A4GALT: variants seen among roughly 807,000 people sequenced by gnomAD.
A4GALT encodes the protein lactosylceramide 4-alpha-galactosyltransferase.
For synonymous variants in A4GALT, 257 were observed against 220.7 expected (o/e 1.16, Z -1.46); for missense variants, 512 against 486.0 (o/e 1.05, Z -0.50).
chr22:42,720,962 C>T (rs896136019), upstream of A4GALT: 1 of 148,896 alleles, frequency 6.7e-6, no homozygotes, highest in Non-Finnish European at 1.5e-5. Flanking sequence ...CCCTGCGGGT[C>T]CCGGTCCCCA....
intron 1 of A4GALT, among the ~76,000 whole-genome samples, chr22:42,704,369 G>C (rs12169036): frequency 0.024 from 3,664 of 152,052 alleles, 162 homozygotes; most frequent in African/African-American, 0.083. Context: ...TGCCTGTAAT[G>C]CCAACTGCTC....
At chr22:42,706,211 C>T (rs1487125130) in intron 1 of A4GALT, among the ~76,000 whole-genome samples, 1 of 149,372 alleles carries the variant, frequency 6.7e-6, no homozygotes, top group East Asian at 2.0e-4. Flanking sequence ...AAAAATTAGC[C>T]AGGCGTGGTG....
intron 1 of A4GALT, among the ~76,000 whole-genome samples, chr22:42,715,002 C>T (rs1046732670): frequency 4.6e-5 from 6 of 129,242 alleles, no homozygotes; most frequent in African/African-American, 1.2e-4. Context: ...GATCCAGGGG[C>T]GAGTGTGGCT....
intron 1 of A4GALT, among the ~76,000 whole-genome samples, chr22:42,711,824 T>A (rs879186352): frequency 2.0e-5 from 3 of 151,994 alleles, no homozygotes; most frequent in African/African-American, 7.2e-5. Context: ...AGTTTTACCA[T>A]GTTGGCCGGG....
At chr22:42,703,263 T>TGTTTTG (rs1920938880) in intron 1 of A4GALT, among the ~76,000 whole-genome samples, 1 of 149,448 alleles carries the variant, frequency 6.7e-6, no homozygotes, top group Non-Finnish European at 1.5e-5. Context: ...GTTTTTGTTT[T>TGTTTTG]TTTTTTTTTT....
chr22:42,698,598 T>C (rs796281701), intron 1 of A4GALT, among the ~76,000 whole-genome samples: 5 of 152,192 alleles, frequency 3.3e-5, no homozygotes, highest in African/African-American at 1.2e-4. Flanking sequence ...AGCACCAGGG[T>C]TATGCCCTTG....
Position 42,693,428 on chromosome 22 carries a change from G to C in A4GALT, c.524C>G (p.Ser175Cys). ...CATGAGTGCGATCCTGGAGGCGTCG[G>C]AGAGCACGGGCAGCAGGTAGGGCTC... ...RWEPYLLPVL[S>C]DASRIALMWK... Residue 175 changes from serine to cysteine, a missense_variant, in exon 3 of 3, where the codon TCC becomes TGC. Coordinates refer to ENST00000642412, the MANE Select transcript of A4GALT (RefSeq NM_017436.7). 6.2e-7 allele frequency: 1 copy of C among 1,613,366 alleles called. No homozygotes were observed. Among genetic ancestry groups the C allele is most frequent in the Non-Finnish European group, 8.5e-7 (1 of 1,179,994 alleles).
At chr22:42,701,277 T>C (rs567964006) in intron 1 of A4GALT, among the ~76,000 whole-genome samples, 1 of 152,316 alleles carries the variant, frequency 6.6e-6, no homozygotes, top group African/African-American at 2.4e-5. Flanking sequence ...TCTCTGAACC[T>C]GTCTGTGGAC....
chr22:42,716,202 G>A (rs550543431), intron 1 of A4GALT, among the ~76,000 whole-genome samples: 1 of 152,268 alleles, frequency 6.6e-6, no homozygotes, highest in East Asian at 1.9e-4. Context: ...TCCAGGCTCA[G>A]GGCACACTTG....
intron 1 of A4GALT, among the ~76,000 whole-genome samples, chr22:42,703,618 A>G (rs973670103): frequency 2.0e-5 from 3 of 152,150 alleles, no homozygotes; most frequent in Admixed American, 1.3e-4. Flanking sequence ...TGGCCCACTC[A>G]GCAGTGATGT....
chr22:42,709,067 A>ATATATATATATATATTT (rs1180529043), intron 1 of A4GALT, among the ~76,000 whole-genome samples: 31 of 128,802 alleles, frequency 2.4e-4, no homozygotes, highest in Non-Finnish European at 4.7e-4. Flanking sequence ...ATATATATAT[A>ATATATATATATATATTT]TTTTTTTTAA....
chr22:42,701,377 G>A lies in A4GALT; in HGVS notation c.-187-5746C>T, dbSNP rs565453233. On this transcript the variant is annotated intron_variant, in intron 1 of 2. Transcript: ENST00000642412. ...GGATCCCAGACTCAGACAGGAGCCC[G>A]AGGTGGACCCCTGGCCAGGGTGAGG... Among the ~76,000 whole-genome samples, 6 of 152,234 alleles carry A rather than the reference G, an allele frequency of 3.9e-5. No individual in the cohort carries two copies. The East Asian group carries it at 7.7e-4, about 20-fold the overall frequency.
chr22:42,709,063 A>AT (rs909344318), intron 1 of A4GALT, among the ~76,000 whole-genome samples: 3 of 93,208 alleles, frequency 3.2e-5, no homozygotes, highest in African/African-American at 8.8e-5. Flanking sequence ...ATATATATAT[A>AT]TATATTTTTT....
At position 42,717,996 on chromosome 22, in the gene A4GALT, C is replaced by T. The variant is rs534324168; in HGVS notation, c.-188+2801G>A. Among the ~76,000 whole-genome samples the T allele has an allele frequency of 9.9e-4, 151 of 152,258 alleles. 1 individual carries two copies. The highest frequency in any genetic ancestry group is 3.4e-3 in the African/African-American group (142 of 41,532). On this transcript the variant is annotated intron_variant, in intron 1 of 2. Coordinates refer to ENST00000642412, the MANE Select transcript of A4GALT (RefSeq NM_017436.7). ...GATACAGCCATTCTAGAAGTTCATA[C>T]GCACTGATTACCAGGTTAATTCCTT...
At chr22:42,694,246 C>A (rs544371155) in intron 2 of A4GALT, among the ~76,000 whole-genome samples, 1 of 152,386 alleles carries the variant, frequency 6.6e-6, no homozygotes, top group Admixed American at 6.5e-5. Flanking sequence ...TGAGCTCACC[C>A]AAGGACCAGG....
At chr22:42,701,690 G>A (rs1931311092) in intron 1 of A4GALT, among the ~76,000 whole-genome samples, 1 of 152,206 alleles carries the variant, frequency 6.6e-6, no homozygotes, top group South Asian at 2.1e-4. Flanking sequence ...CACTGACTCA[G>A]GTCCAGCTAA....
At chr22:42,717,256 G>C (rs1018535457) in intron 1 of A4GALT, among the ~76,000 whole-genome samples, 4 of 152,172 alleles carry the variant, frequency 2.6e-5, no homozygotes, top group African/African-American at 9.7e-5. Flanking sequence ...GCCTCGGAGA[G>C]AAGAGCAATT....
rs1921800211 is a variant in A4GALT at position 42,712,677 on chromosome 22, G to A, written c.-188+8120C>T. 2.0e-5 allele frequency among the ~76,000 whole-genome samples: 3 copies of A among 152,272 alleles called. No homozygotes were observed. The South Asian group carries it at 6.2e-4, about 32-fold the overall frequency. The stretch of plus-strand genomic sequence containing the variant: ...TAATCCCAGCACTTTGAGAGGCCGA[G>A]GTGAGTGGATCACTTGAGGCCAGAA... On this transcript the variant is annotated intron_variant, in intron 1 of 2. Transcript: ENST00000642412.
At chr22:42,694,683 CTG>C (rs1468429886) in intron 2 of A4GALT, 4 of 152,534 alleles carry the variant, frequency 2.6e-5, no homozygotes, top group Admixed American at 6.5e-5. Flanking sequence ...GGGGAAAAGA[CTG>C]TGGGAACACC....
Sources: allele counts gnomAD v4.1 joint callset (sites outside exome capture counted in the v4.1 genomes callset), GRCh38; gene constraint gnomAD v4.1.1; transcripts MANE v1.5; gene names NCBI Gene and HGNC (gene_info 2026-07-23, HGNC 2026-07-21).